SERPINB7: variants seen among roughly 807,000 people sequenced by gnomAD.
SERPINB7 encodes the protein serpin B7.
A neutral mutation model predicts 37.4 loss-of-function variants in SERPINB7; 31 were observed. That is an observed-to-expected ratio of 0.83 (90% confidence interval 0.62 to 1.12). The LOEUF (loss-of-function observed/expected upper bound fraction) is 1.12, where lower values mean the gene tolerates loss of function less well. Ranked by LOEUF, SERPINB7 falls within the 50% of genes most tolerant of loss-of-function variation. SERPINB7 has a pLI of 0.00. For synonymous variants in SERPINB7, 163 were observed against 166.1 expected (o/e 0.98, Z 0.14); for missense variants, 521 against 455.3 (o/e 1.14, Z -1.31).
intron 7 of SERPINB7, among the ~76,000 whole-genome samples, chr18:63,802,501 G>A (rs998592533): frequency 9.2e-5 from 14 of 152,066 alleles, no homozygotes; most frequent in African/African-American, 3.4e-4. Context: ...CTTGTTTGAT[G>A]TTTATAGCAA....
At chr18:63,803,968 C>T (rs1180712379) in intron 7 of SERPINB7, among the ~76,000 whole-genome samples, 1 of 152,166 alleles carries the variant, frequency 6.6e-6, no homozygotes, top group African/African-American at 2.4e-5. Context: ...TGTATCTGCT[C>T]ATGGGTGAGC....
chr18:63,793,189 T>G lies in SERPINB7; in HGVS notation c.248T>G (p.Val83Gly). The G allele has an allele frequency of 6.3e-7, 1 of 1,588,734 alleles. No homozygotes were observed. Among genetic ancestry groups the G allele is most frequent in the Middle Eastern group, 1.7e-4 (1 of 5,962 alleles). ...QSGLQSQLKR[V>G]FSDINASHKD... ...GGGCTCCAGTCTCAACTGAAAAGAG[T>G]TTTTTCTGATATAAATGCATCCCAC... is the stretch of plus-strand genomic sequence containing the variant. The change falls in exon 4 of 8, where the codon GTT becomes GGT. Residue 83 changes from valine to glycine, a missense_variant. Val to Gly is a moderately radical substitution (Grantham distance 109, BLOSUM62 -3). Coordinates refer to ENST00000398019, the MANE Select transcript of SERPINB7 (RefSeq NM_003784.4).
At position 63,792,460 on chromosome 18, in the gene SERPINB7, C is replaced by A. The variant is rs371062851; in HGVS notation, c.219+17C>A. 14 of 1,558,658 alleles carry A rather than the reference C, an allele frequency of 9.0e-6. No individual in the cohort carries two copies. The highest frequency in any genetic ancestry group is 1.2e-5 in the Non-Finnish European group (14 of 1,131,792). ...AATAGTCAGGTAAAGACAATATGTT[C>A]TTTTAGAAAAAGAGAAGGTGAGCCA... On this transcript the variant is annotated intron_variant, in intron 3 of 7. Coordinates refer to ENST00000398019, the MANE Select transcript of SERPINB7 (RefSeq NM_003784.4).
intron 1 of SERPINB7, among the ~76,000 whole-genome samples, 160 bp from the exon 2 acceptor site, chr18:63,782,195 G>A (rs1187884853): frequency 6.6e-6 from 1 of 151,906 alleles, no homozygotes; most frequent in Non-Finnish European, 1.5e-5. Context: ...AAGGATACTG[G>A]GCCAAGGGAA....
At chr18:63,795,576 T>TAAA (rs5825537) in intron 4 of SERPINB7, among the ~76,000 whole-genome samples, 13 of 115,784 alleles carry the variant, frequency 1.1e-4, no homozygotes, top group Admixed American at 2.6e-4. Context: ...AAAAAAGAAT[T>TAAA]AAAAAAAAAA....
rs149824494 is a variant in SERPINB7 at position 63,804,423 on chromosome 18, G to T, written c.931G>T (p.Ala311Ser). 6.2e-7 allele frequency: 1 copy of T among 1,613,786 alleles called. No homozygotes were observed. The highest frequency in any genetic ancestry group is 8.5e-7 in the Non-Finnish European group (1 of 1,179,864). The stretch of plus-strand genomic sequence containing the variant: ...ATCCAAAGCAGATCTCTCTGGGATT[G>T]CTTCGGGGGGTCGTCTGTATATATC... ...DESKADLSGI[A>S]SGGRLYISRM... The change falls in exon 8 of 8, where the codon GCT (alanine) becomes TCT (serine). Residue 311 changes from alanine to serine, a missense_variant. Physicochemically the swap from Ala to Ser is moderately conservative, Grantham distance 99 (BLOSUM62 1). Transcript: ENST00000398019.
chr18:63,803,843 T>G (rs1354901010), intron 7 of SERPINB7, among the ~76,000 whole-genome samples: 1 of 152,162 alleles, frequency 6.6e-6, no homozygotes, highest in African/African-American at 2.4e-5. Flanking sequence ...TTATCTGTCT[T>G]TCATGATGAG....
rs2144652130 is a variant in SERPINB7 at position 63,804,693 on chromosome 18, C to A, written c.*58C>A. 2 of 1,476,112 alleles carry A rather than the reference C, an allele frequency of 1.4e-6. No homozygotes were observed. The highest frequency in any genetic ancestry group is 1.3e-5 in the South Asian group (1 of 74,702). 91.4% of individuals were successfully genotyped at this position (1,476,112 alleles called of 1,614,324 possible). A position where few individuals can be genotyped will look rare whatever the true frequency, so the allele number is the denominator to read the frequency against. ...ACAACATCAAAGAACCACCACAAGT[C>A]AATAGATTTGAGTTTAATTGGAAAA... On this transcript the variant is annotated 3_prime_UTR_variant, in exon 8 of 8. Transcript: ENST00000398019.
chr18:63,764,514 A>AGGCTATT (rs1398650176), intron 1 of SERPINB7, among the ~76,000 whole-genome samples: 2 of 152,178 alleles, frequency 1.3e-5, no homozygotes, highest in African/African-American at 4.8e-5. Context: ...CCAAGCACCA[A>AGGCTATT]GGCTATTCTT....
chr18:63,801,137 A>C, intron 7 of SERPINB7, 125 bp downstream of exon 7: 1 of 908,400 alleles, frequency 1.1e-6, no homozygotes, highest in Non-Finnish European at 1.7e-6. Context: ...CTGCTTATTA[A>C]TTTATTTGAC....
At chr18:63,783,228 GAGAGAGAAAGAAAGAAAGAAAGAA>G (rs2049327310) in intron 2 of SERPINB7, among the ~76,000 whole-genome samples, 3 of 47,324 alleles carry the variant, frequency 6.3e-5, no homozygotes, top group African/African-American at 2.0e-4. Flanking sequence ...GAGAGAGAGA[GAGAGAGAAAGAAAGAAAGAAAGAA>G]AGAAAGAAAG....
rs192702525 is a variant in SERPINB7 at position 63,796,465 on chromosome 18, T to C, written c.454+82T>C. On this transcript the variant is annotated intron_variant, in intron 5 of 7. Coordinates refer to ENST00000398019, the MANE Select transcript of SERPINB7 (RefSeq NM_003784.4). Reference sequence around the variant, plus strand: ...GGGAACAAAAGCTGGGAGTCTTTTGTACATACAAGGAACAGCTCCTCCTAG... The same window carrying C: ...GGGAACAAAAGCTGGGAGTCTTTTGCACATACAAGGAACAGCTCCTCCTAG... 1.2e-5 allele frequency: 9 copies of C among 755,030 alleles called. 1 individual carries two copies. The Admixed American group carries it at 1.8e-4, about 15-fold the overall frequency. The allele number at this position is 755,030 out of a possible 1,614,324, so 46.8% of individuals were successfully genotyped here.
rs553781454 is a variant in SERPINB7 at position 63,755,738 on chromosome 18, A to G, written c.-19+2618A>G. Among the ~76,000 whole-genome samples the G allele has an allele frequency of 2.0e-5, 3 of 151,696 alleles. No individual in the cohort carries two copies. The East Asian group carries it at 5.8e-4, about 29-fold the overall frequency. ...CAAGACCCTGTCTCTACAAAAAATT[A>G]AAAAAAATAGCTAGATATGGTGGTG... is the stretch of plus-strand genomic sequence containing the variant. On this transcript the variant is annotated intron_variant, in intron 1 of 7. Coordinates refer to the SERPINB7 transcript ENST00000336429.
At position 63,793,254 on chromosome 18, in the gene SERPINB7, GA is replaced by G; in HGVS notation, c.318del (p.Val107CysfsTer29). The G allele has an allele frequency of 6.3e-7, 1 of 1,595,446 alleles. No individual in the cohort carries two copies. Among genetic ancestry groups the G allele is most frequent in the Non-Finnish European group, 8.6e-7 (1 of 1,167,354 alleles). On this transcript the variant is annotated frameshift_variant, in exon 4 of 8. Transcript: ENST00000398019. LOFTEE classifies it high-confidence loss of function. ...CAGCATTGTGAATGGGCTTTTTGCT[GA>G]AAAAGTGTATGGCTTTCATAAGGTA... ...DLSIVNGLFA[E>X]KVYGFHKDYI...
At chr18:63,756,791 G>GGGGTATTGTGTA in intron 1 of SERPINB7, among the ~76,000 whole-genome samples, 2 of 141,984 alleles carry the variant, frequency 1.4e-5, no homozygotes, top group Non-Finnish European at 3.1e-5. Context: ...TGTTTCCAGG[G>GGGGTATTGTGTA]TCTTGGGGTA....
intron 1 of SERPINB7, among the ~76,000 whole-genome samples, chr18:63,754,181 TTAAATAAATC>T (rs1222497414): frequency 6.6e-6 from 1 of 152,222 alleles, no homozygotes; most frequent in Admixed American, 6.5e-5. Flanking sequence ...TTGACAGAGT[TTAAATAAATC>T]TATTCTGGAA....
chr18:63,776,933 C>A (rs1467525241), intron 1 of SERPINB7, among the ~76,000 whole-genome samples: 2 of 151,970 alleles, frequency 1.3e-5, no homozygotes, highest in African/African-American at 4.8e-5. Flanking sequence ...TATATTCTAA[C>A]GCATCTCTCT....
chr18:63,798,682 A>G lies in SERPINB7; in HGVS notation c.533A>G (p.Lys178Arg), dbSNP rs748998320. 6 of 1,613,096 alleles carry G rather than the reference A, an allele frequency of 3.7e-6. No individual in the cohort carries two copies. Among genetic ancestry groups the G allele is most frequent in the Non-Finnish European group, 4.2e-6 (5 of 1,179,626 alleles). ...GTGCTGGTGAATGCTGTGTACTTCAAAGGCAAGTGGCAATCAGCCTTCACC... is the reference window on the plus strand; with the variant it reads ...GTGCTGGTGAATGCTGTGTACTTCAGAGGCAAGTGGCAATCAGCCTTCACC... ...VMVLVNAVYF[K>R]GKWQSAFTKS... Residue 178 changes from lysine (K) to arginine (R), a missense_variant, in exon 6 of 8, where the codon AAA (lysine) becomes AGA (arginine). Coordinates refer to ENST00000398019, the MANE Select transcript of SERPINB7 (RefSeq NM_003784.4).
At chr18:63,756,816 G>A (rs976140811) in intron 1 of SERPINB7, among the ~76,000 whole-genome samples, 11 of 150,890 alleles carry the variant, frequency 7.3e-5, no homozygotes, top group African/African-American at 2.7e-4. Flanking sequence ...GTGTGTGTGT[G>A]TGTGTGTGTG....
Sources: gnomAD v4.1 joint callset for allele counts (sites outside exome capture counted in the v4.1 genomes callset) on GRCh38, gnomAD v4.1.1 for gene constraint, MANE v1.5 for transcripts, NCBI Gene and HGNC (gene_info 2026-07-23, HGNC 2026-07-21) for gene names.